Variants in RARB observed in about 807,000 individuals in gnomAD.
RARB encodes the protein HBV-activated protein.
RARB carries 17 observed loss-of-function variants against 51.9 expected under a neutral mutation model. That is an observed-to-expected ratio of 0.33 (90% CI 0.22 to 0.49). The LOEUF (loss-of-function observed/expected upper bound fraction) is 0.49, where lower values mean the gene tolerates loss of function less well. RARB is among the 20% of genes least tolerant of loss of function. The pLI, the probability that RARB is intolerant of heterozygous loss-of-function variation, is 0.99. For missense variants in RARB, 369 were observed against 550.8 expected, an observed-to-expected ratio of 0.67 and a Z score of 3.30; for synonymous variants, 215 against 195.4, an observed-to-expected ratio of 1.10 and a Z score of -0.84.
chr3:25,074,293 T>G (rs558216736), intron 3 of RARB, among the ~76,000 whole-genome samples: 5 of 152,352 alleles, frequency 3.3e-5, no homozygotes, highest in African/African-American at 9.6e-5. Context: ...TTGGAGGTTT[T>G]CAGTTACATA....
chr3:25,194,517 G>A (rs1439564462), intron 5 of RARB, among the ~76,000 whole-genome samples: 7 of 149,406 alleles, frequency 4.7e-5, no homozygotes, highest in Admixed American at 6.7e-5. Flanking sequence ...ATATATATAT[G>A]TTGATATATA....
intron 4 of RARB, chr3:25,174,092 A>G (rs984519114): frequency 2.2e-5 from 4 of 185,112 alleles, no homozygotes; most frequent in African/African-American, 9.3e-5. Context: ...TTTGTGATAT[A>G]TATATTTTTT....
chr3:25,070,356 G>A (rs1339362628), intron 3 of RARB, among the ~76,000 whole-genome samples: 2 of 152,216 alleles, frequency 1.3e-5, no homozygotes, highest in South Asian at 2.1e-4. Flanking sequence ...GGAGGGAAGA[G>A]CGAGTGCATA....
chr3:25,211,505 A>G (rs1414658440), intron 5 of RARB, among the ~76,000 whole-genome samples: 1 of 152,114 alleles, frequency 6.6e-6, no homozygotes, highest in Non-Finnish European at 1.5e-5. Context: ...ATTAATAAAG[A>G]TCAATAACAC....
At chr3:25,541,663 T>C (rs1423753370) in intron 3 of RARB, among the ~76,000 whole-genome samples, 1 of 152,224 alleles carries the variant, frequency 6.6e-6, no homozygotes, top group Non-Finnish European at 1.5e-5. Flanking sequence ...GCCGAAAGCC[T>C]GGATATTTTA....
At chr3:24,927,311 C>G (rs1695341216) in intron 2 of RARB, among the ~76,000 whole-genome samples, 1 of 152,020 alleles carries the variant, frequency 6.6e-6, no homozygotes, top group South Asian at 2.1e-4. Flanking sequence ...GTTCTGAGTT[C>G]CTTAGTTCTG....
chr3:24,993,463 T>A (rs1472453317), intron 2 of RARB, among the ~76,000 whole-genome samples: 1 of 152,178 alleles, frequency 6.6e-6, no homozygotes, highest in African/African-American at 2.4e-5. Flanking sequence ...ATAGTGCTGT[T>A]TCAATACATT....
At chr3:24,857,330 G>A (rs561525560) in intron 1 of RARB, among the ~76,000 whole-genome samples, 2 of 152,222 alleles carry the variant, frequency 1.3e-5, no homozygotes, top group South Asian at 2.1e-4. Context: ...GGTGCAACAC[G>A]CTCACTAAAC....
At chr3:25,264,122 T>A (rs78782945) in intron 5 of RARB, among the ~76,000 whole-genome samples, 2,933 of 151,122 alleles carry the variant, frequency 0.019, 99 homozygotes, top group African/African-American at 0.064. Flanking sequence ...TTTTTTTTTT[T>A]AAAAAAAGGT....
intron 5 of RARB, among the ~76,000 whole-genome samples, chr3:25,397,172 G>A (rs1393574310): frequency 1.3e-5 from 2 of 152,212 alleles, no homozygotes; most frequent in Non-Finnish European, 2.9e-5. Flanking sequence ...GTCCCTGTGA[G>A]AGAAAGTCAG....
intron 2 of RARB, among the ~76,000 whole-genome samples, chr3:24,988,159 C>T (rs1055084281): frequency 1.3e-5 from 2 of 152,154 alleles, no homozygotes; most frequent in Admixed American, 1.3e-4. Flanking sequence ...GTCATGATGT[C>T]TCCCACAGTT....
chr3:24,961,228 ATATT>A, intron 2 of RARB, among the ~76,000 whole-genome samples: 1 of 152,242 alleles, frequency 6.6e-6, no homozygotes, highest in East Asian at 1.9e-4. Flanking sequence ...AAAAAAATAA[ATATT>A]TATTGAACAT....
At chr3:25,327,764 C>T (rs1704768847) in intron 5 of RARB, among the ~76,000 whole-genome samples, 2 of 152,144 alleles carry the variant, frequency 1.3e-5, no homozygotes, top group African/African-American at 4.8e-5. Flanking sequence ...TCTATGATGG[C>T]TCTAGAAAGA....
intron 5 of RARB, among the ~76,000 whole-genome samples, chr3:25,245,848 A>C (rs935028291): frequency 6.6e-6 from 1 of 152,052 alleles, no homozygotes; most frequent in African/African-American, 2.4e-5. Context: ...GTATTTCCTG[A>C]ATTTGAATGT....
rs77263588 is a variant in RARB at position 25,468,151 on chromosome 3, G to A, written c.306+6810G>A. 3.3e-5 allele frequency among the ~76,000 whole-genome samples: 5 copies of A among 152,250 alleles called. No individual in the cohort carries two copies. The East Asian group carries it at 7.8e-4, about 24-fold the overall frequency. On this transcript the variant is annotated intron_variant, in intron 2 of 7. Transcript: ENST00000330688. ...TGGCTATGTCCATTGACTTCTCTGG[G>A]CCTTAGCCTATCTGTAAAATGAAAG...
At chr3:25,248,716 C>G (rs1702631245) in intron 5 of RARB, among the ~76,000 whole-genome samples, 1 of 152,110 alleles carries the variant, frequency 6.6e-6, no homozygotes, top group Non-Finnish European at 1.5e-5. Context: ...TTGCTGGATC[C>G]TTGGCTGGCA....
rs151336305 is a variant in RARB at position 24,873,711 on chromosome 3, C to G, written c.-380+14959C>G. ...TATAATTTACAGCTATAAATTTTCC[C>G]CAAATGAGTGACTTTACTTCATCCC... On this transcript the variant is annotated intron_variant, in intron 2 of 11. Transcript: ENST00000383772. Among the ~76,000 whole-genome samples, 420 of 151,526 alleles carry G rather than the reference C, an allele frequency of 2.8e-3. 1 individual carries two copies. The highest frequency in any genetic ancestry group is 9.7e-3 in the African/African-American group (402 of 41,304).
chr3:24,982,624 G>C (rs765885921), intron 2 of RARB, among the ~76,000 whole-genome samples: 2 of 152,158 alleles, frequency 1.3e-5, no homozygotes, highest in African/African-American at 2.4e-5. Context: ...TGAAATCAGA[G>C]TACAAACATA....
rs1198081243 is a variant in RARB, at chr3:24,830,563, G to T, written c.-459+1160G>T. Among the ~76,000 whole-genome samples the T allele has an allele frequency of 3.3e-5, 5 of 151,206 alleles. No homozygotes were observed. In the East Asian group the frequency reaches 9.8e-4, roughly 30 times the overall value. On this transcript the variant is annotated intron_variant, in intron 1 of 11. Transcript: ENST00000383772. ...GGGGTGAGTTTCCCTGACACTCCCC[G>T]CCGGAGGCAAGCAGGCAGAGGCGAA...
Sources: gnomAD v4.1 joint callset for allele counts (sites outside exome capture counted in the v4.1 genomes callset) on GRCh38, gnomAD v4.1.1 for gene constraint, MANE v1.5 for transcripts, NCBI Gene and HGNC (gene_info 2026-07-23, HGNC 2026-07-21) for gene names.